Variants in HAPSTR1 observed in about 807,000 individuals in gnomAD.
HAPSTR1 encodes the protein HUWE1-associated protein modifying stress responses 1.
the HAPSTR1 span, chr16:9,112,686 G>C: frequency 5.9e-5 from 9 of 152,274 alleles, 1 homozygote; most frequent in Admixed American, 3.9e-4. Flanking sequence ...GCATGAACTT[G>C]GTATGAAAAT....
At chr16:9,117,049 T>G in the HAPSTR1 span, 4 of 1,304,704 alleles carry the variant, frequency 3.1e-6, no homozygotes, top group Non-Finnish European at 4.1e-6. Context: ...GTGGTTGCCA[T>G]AAAAGGAAGT....
chr16:9,116,235 C>G, the HAPSTR1 span, among the ~76,000 whole-genome samples: 6 of 152,178 alleles, frequency 3.9e-5, no homozygotes, highest in African/African-American at 9.7e-5. Flanking sequence ...TGATTTCTGG[C>G]TCTCCTGAAT....
chr16:9,116,214 A>G, the HAPSTR1 span, among the ~76,000 whole-genome samples: 4 of 152,202 alleles, frequency 2.6e-5, no homozygotes, highest in Non-Finnish European at 4.4e-5. Context: ...AAGCCCACCT[A>G]GGCCTGGAAG....
the HAPSTR1 span, among the ~76,000 whole-genome samples, chr16:9,114,377 A>C: frequency 1.0e-3 from 152 of 152,138 alleles, no homozygotes; most frequent in Middle Eastern, 3.4e-3. Context: ...AATTTCAAGG[A>C]GGGGGAAAGA....
At chr16:9,099,117 A>T in the HAPSTR1 span, among the ~76,000 whole-genome samples, 1 of 139,324 alleles carries the variant, frequency 7.2e-6, no homozygotes, top group Non-Finnish European at 1.5e-5. Flanking sequence ...TCAGTTTCCC[A>T]TGCTTATATA....
At chr16:9,098,058 C>T in the HAPSTR1 span, among the ~76,000 whole-genome samples, 3 of 152,146 alleles carry the variant, frequency 2.0e-5, no homozygotes, top group African/African-American at 4.8e-5. Flanking sequence ...AGGGCTGGGG[C>T]GGGGGCTCAC....
the HAPSTR1 span, chr16:9,092,086 G>A: frequency 5.2e-6 from 8 of 1,542,638 alleles, no homozygotes; most frequent in Non-Finnish European, 7.0e-6. Flanking sequence ...AGATCCAGGA[G>A]CACGGGCCCG....
the HAPSTR1 span, among the ~76,000 whole-genome samples, chr16:9,094,508 G>C: frequency 6.6e-6 from 1 of 151,606 alleles, no homozygotes; most frequent in African/African-American, 2.4e-5. Context: ...TTAAGAAGTA[G>C]AATATATCTA....
chr16:9,103,930 G>A, the HAPSTR1 span: 1 of 152,244 alleles, frequency 6.6e-6, no homozygotes, highest in Admixed American at 6.5e-5. Flanking sequence ...GTCTGTTGTT[G>A]CTTGTTGCTG....
At chr16:9,115,116 A>ACATT in the HAPSTR1 span, among the ~76,000 whole-genome samples, 1 of 152,138 alleles carries the variant, frequency 6.6e-6, no homozygotes, top group Non-Finnish European at 1.5e-5. Flanking sequence ...GGCCCTCAGG[A>ACATT]CATTGTCAGC....
chr16:9,115,645 G>A, the HAPSTR1 span, among the ~76,000 whole-genome samples: 2 of 152,054 alleles, frequency 1.3e-5, no homozygotes, highest in Admixed American at 6.6e-5. Flanking sequence ...TTTTTGAGAC[G>A]GAGTTTCGCT....
the HAPSTR1 span, chr16:9,118,805 C>T: frequency 6.6e-6 from 1 of 152,650 alleles, no homozygotes; most frequent in African/African-American, 2.4e-5. Context: ...GTGGCCAGAA[C>T]TCCTATTCCT....
the HAPSTR1 span, chr16:9,093,112 A>G: frequency 1.7e-5 from 18 of 1,066,034 alleles, no homozygotes; most frequent in Non-Finnish European, 2.4e-5. Flanking sequence ...GCTAACCTTG[A>G]ATACCTTGCA....
the HAPSTR1 span, among the ~76,000 whole-genome samples, chr16:9,093,721 C>T: frequency 2.6e-5 from 4 of 152,244 alleles, no homozygotes; most frequent in South Asian, 4.2e-4. Flanking sequence ...GTTAATCCCC[C>T]TCCCTTTGTG....
At chr16:9,106,546 T>A in the HAPSTR1 span, 1 of 151,902 alleles carries the variant, frequency 6.6e-6, no homozygotes, top group Non-Finnish European at 1.5e-5. Context: ...TGCTTGCCCC[T>A]AAGTGGTGGG....
chr16:9,092,355 G>T, the HAPSTR1 span: 4 of 1,173,600 alleles, frequency 3.4e-6, no homozygotes, highest in Middle Eastern at 6.3e-4. Flanking sequence ...CGGCCGCTTC[G>T]GGGGGCCGCG....
chr16:9,102,558 A>T, the HAPSTR1 span, among the ~76,000 whole-genome samples: 1 of 152,222 alleles, frequency 6.6e-6, no homozygotes, highest in Non-Finnish European at 1.5e-5. Flanking sequence ...TGCTGCCTTC[A>T]GCTTGTTCCT....
the HAPSTR1 span, chr16:9,109,292 A>G: frequency 8.5e-5 from 13 of 152,120 alleles, no homozygotes; most frequent in African/African-American, 3.1e-4. Context: ...ATTCTGAGGT[A>G]TAATCATGAG....
chr16:9,092,155 G>C, the HAPSTR1 span: 2 of 1,563,760 alleles, frequency 1.3e-6, no homozygotes, highest in Non-Finnish European at 1.7e-6. Context: ...AGGACGAGCA[G>C]CTGCCCCCCG....
Sources: gnomAD v4.1 joint callset for allele counts (sites outside exome capture counted in the v4.1 genomes callset) on GRCh38, gnomAD v4.1.1 for gene constraint, MANE v1.5 for transcripts, NCBI Gene and HGNC (gene_info 2026-07-23, HGNC 2026-07-21) for gene names.